MTA1: variants seen among roughly 807,000 people sequenced by gnomAD.
The protein encoded by MTA1 is metastasis associated 1.
In MTA1, 15 loss-of-function variants were observed where a neutral mutation model predicts 97.0. The observed-to-expected ratio is 0.15, with a 90% confidence interval of 0.10 to 0.24. The LOEUF (loss-of-function observed/expected upper bound fraction) is 0.24, where lower values mean the gene tolerates loss of function less well. MTA1 is among the 10% of genes least tolerant of loss of function. MTA1 has a pLI of 1.00. For missense variants in MTA1, 709 were observed against 1,015.1 expected (o/e 0.70, Z 4.10); for synonymous variants, 435 against 417.5 (o/e 1.04, Z -0.51).
At chr14:105,456,017 GTGTGGAGAGGCCACTGTGCTGGGGCC>G (rs2083137681) in intron 7 of MTA1, among the ~76,000 whole-genome samples, 1 of 151,776 alleles carries the variant, frequency 6.6e-6, no homozygotes, top group African/African-American at 2.4e-5. Context: ...GTGGGTCTGA[GTGTGGAGAGGCCACTGTGCTGGGGCC>G]CGGCCTGTGG....
chr14:105,449,070 C>G (rs1555427933), intron 3 of MTA1: 1 of 419,190 alleles, frequency 2.4e-6, no homozygotes, highest in Non-Finnish European at 4.3e-6. Flanking sequence ...CTGGGAAGCC[C>G]CAGTGGAGTG....
At chr14:105,460,000 C>T (rs1555430632) in intron 8 of MTA1, among the ~76,000 whole-genome samples, 1 of 41,818 alleles carries the variant, frequency 2.4e-5, no homozygotes. Flanking sequence ...ACCTGGGGAG[C>T]TGTGTGCCTG....
intron 1 of MTA1, among the ~76,000 whole-genome samples, chr14:105,421,051 C>T (rs4983615): frequency 0.86 from 131,172 of 152,162 alleles, 59,912 homozygotes; most frequent in Non-Finnish European, 1. Context: ...GTCTCTCGAG[C>T]GTGGCTTCTG....
rs371868884 is a variant in MTA1 at position 105,463,083 on chromosome 14, C to T, written c.943-101C>T. On this transcript the variant is annotated intron_variant, in intron 10 of 20. Coordinates refer to ENST00000331320, the MANE Select transcript of MTA1 (RefSeq NM_004689.4). The surrounding 1 kb of genome is among the most constrained non-coding windows in gnomAD (Gnocchi z 5.9). ...AAGCACACCTCGCCCTCTGGCCTCCCGCCCCCTCTGTGGCCTTCTGGCCGC... is the reference window on the plus strand; with the variant it reads ...AAGCACACCTCGCCCTCTGGCCTCCTGCCCCCTCTGTGGCCTTCTGGCCGC... The T allele has an allele frequency of 5.3e-5, 64 of 1,201,928 alleles. No homozygotes were observed. Among genetic ancestry groups the T allele is most frequent in the South Asian group, 1.6e-4 (12 of 75,502 alleles). 74.5% of individuals were successfully genotyped at this position (1,201,928 alleles called of 1,614,324 possible). A position where few individuals can be genotyped will look rare whatever the true frequency, so the allele number is the denominator to read the frequency against.
intron 1 of MTA1, among the ~76,000 whole-genome samples, chr14:105,427,345 T>C (rs587638532): frequency 2.6e-4 from 39 of 152,238 alleles, no homozygotes; most frequent in African/African-American, 8.2e-4. Context: ...GGGCCATGCT[T>C]CTTGCATTTG....
In MTA1 at chr14:105,465,251, C is replaced by T. The variant is rs2083522312; in HGVS notation, c.1624+68C>T. On this transcript the variant is annotated intron_variant, in intron 16 of 20. Transcript: ENST00000331320. The stretch of plus-strand genomic sequence containing the variant: ...AGGCAGCTTCTCACCCAAGCTCATG[C>T]ACTGGTGCTCCCAGCCTTCTCTAGC... 2.3e-6 allele frequency: 3 copies of T among 1,324,656 alleles called. No homozygotes were observed. The South Asian group carries it at 4.5e-5, about 20-fold the overall frequency. 82.1% of individuals were successfully genotyped at this position (1,324,656 alleles called of 1,614,324 possible). A position where few individuals can be genotyped will look rare whatever the true frequency, so the allele number is the denominator to read the frequency against.
In MTA1 at chr14:105,424,177, C is replaced by T. The variant is rs1555421665; in HGVS notation, c.28+4114C>T. Among the ~76,000 whole-genome samples the T allele has an allele frequency of 6.6e-6, 1 of 152,268 alleles. No homozygotes were observed. Among genetic ancestry groups the T allele is most frequent in the Non-Finnish European group, 1.5e-5 (1 of 68,046 alleles). ...CACTGAGCTTCTCCTGCCTCAGCCA[C>T]TGAGCACTCCTGGCTTGCTCCACCT... On this transcript the variant is annotated intron_variant, in intron 1 of 20. Transcript: ENST00000331320. This position sits in a 1 kb window ranked among gnomAD's most constrained non-coding sequence, Gnocchi z 4.0.
intron 6 of MTA1, among the ~76,000 whole-genome samples, chr14:105,453,838 T>C (rs587678412): frequency 7.5e-4 from 114 of 152,156 alleles, no homozygotes; most frequent in African/African-American, 2.5e-3. Context: ...AAATAAGTCA[T>C]GGTTTTTGGG....
At chr14:105,454,907 T>C (rs1339646323) in intron 7 of MTA1, among the ~76,000 whole-genome samples, 1 of 151,644 alleles carries the variant, frequency 6.6e-6, no homozygotes, top group Non-Finnish European at 1.5e-5. Context: ...TTATTTTTCA[T>C]TACTTTTTCT....
chr14:105,451,584 A>G (rs1197064603), intron 6 of MTA1, among the ~76,000 whole-genome samples: 1 of 152,164 alleles, frequency 6.6e-6, no homozygotes, highest in Non-Finnish European at 1.5e-5. Flanking sequence ...GCAGAAATGT[A>G]TCTGTGGGCA....
chr14:105,468,826 G>A (rs1235083733), intron 18 of MTA1: 18 of 272,694 alleles, frequency 6.6e-5, no homozygotes, highest in African/African-American at 2.0e-4. Flanking sequence ...GGAGGGCAGC[G>A]GCGGTCCTGG....
Position 105,470,547 on chromosome 14 carries a change from A to C in MTA1, c.*332A>C. ...GTGTTCTGTTGAAGGTGCCATTTTA[A>C]ATTTTATTTTTATTACTTTTTTTGT... is the stretch of plus-strand genomic sequence containing the variant. On this transcript the variant is annotated 3_prime_UTR_variant, in exon 21 of 21. Coordinates refer to ENST00000331320, the MANE Select transcript of MTA1 (RefSeq NM_004689.4). The C allele has an allele frequency of 7.5e-6, 2 of 266,230 alleles. No homozygotes were observed. Among genetic ancestry groups the C allele is most frequent in the East Asian group, 7.5e-5 (1 of 13,354 alleles). 16.5% of individuals were successfully genotyped at this position (266,230 alleles called of 1,614,324 possible).
rs1221556310 is a variant in MTA1, at chr14:105,420,658, CCT to C, written c.28+599_28+600del. ...CTAAGTCCCCCCAAACTTTTCCCTG[CCT>C]CTCGCTCACCTCAGCCCATTCGGGA... On this transcript the variant is annotated intron_variant, in intron 1 of 20. Coordinates refer to ENST00000331320, the MANE Select transcript of MTA1 (RefSeq NM_004689.4). This position sits in a 1 kb window ranked among gnomAD's most constrained non-coding sequence, Gnocchi z 5.3. Among the ~76,000 whole-genome samples, 2 of 152,218 alleles carry C rather than the reference CCT, an allele frequency of 1.3e-5. No homozygotes were observed. The highest frequency in any genetic ancestry group is 2.9e-5 in the Non-Finnish European group (2 of 68,028).
At chr14:105,466,660 G>A (rs587754555) in intron 17 of MTA1, 47 bp from the exon 18 acceptor site, 83 of 1,601,292 alleles carry the variant, frequency 5.2e-5, no homozygotes, top group East Asian at 4.3e-4. Flanking sequence ...CCCGCCGTGC[G>A]TGCTGACGCT....
intron 2 of MTA1, among the ~76,000 whole-genome samples, chr14:105,443,640 A>G (rs782451663): frequency 3.9e-5 from 6 of 152,200 alleles, no homozygotes; most frequent in Non-Finnish European, 8.8e-5. Context: ...TTATAACATT[A>G]AACCAAATTA....
chr14:105,456,991 G>A (rs912606106), intron 7 of MTA1, among the ~76,000 whole-genome samples: 62 of 152,236 alleles, frequency 4.1e-4, no homozygotes, highest in Admixed American at 1.2e-3. Context: ...GCCCCTTAGC[G>A]AGGGATAGCA....
intron 7 of MTA1, among the ~76,000 whole-genome samples, chr14:105,455,089 A>G (rs1350006677): frequency 6.6e-6 from 1 of 151,996 alleles, no homozygotes; most frequent in Non-Finnish European, 1.5e-5. Context: ...TATTTTTATT[A>G]GAGACAGGGT....
intron 1 of MTA1, among the ~76,000 whole-genome samples, chr14:105,432,776 A>G (rs1184337860): frequency 6.6e-6 from 1 of 152,234 alleles, no homozygotes; most frequent in African/African-American, 2.4e-5. Context: ...TGCTTTGTAC[A>G]GTTTTCTTAT....
At chr14:105,441,497 A>G (rs587624697) in intron 2 of MTA1, among the ~76,000 whole-genome samples, 4 of 152,346 alleles carry the variant, frequency 2.6e-5, no homozygotes, top group Admixed American at 2.0e-4. Flanking sequence ...CAGCACATGT[A>G]AAAATTGAAC....
Sources: allele counts gnomAD v4.1 joint callset (sites outside exome capture counted in the v4.1 genomes callset), GRCh38; gene constraint gnomAD v4.1.1; non-coding constraint Gnocchi (gnomAD v3.1); transcripts MANE v1.5; gene names NCBI Gene and HGNC (gene_info 2026-07-23, HGNC 2026-07-21).